The following RBFOX1 variants were observed in gnomAD, a reference collection of about 807,000 sequenced individuals.
RBFOX1 encodes RNA binding fox-1 homolog 1, also known as RNA binding protein fox-1 homolog 1.
Under a neutral mutation model 57.7 loss-of-function variants are expected in RBFOX1, and 8 were observed. The observed-to-expected ratio is 0.14, with a 90% CI of 0.08 to 0.25. The LOEUF (loss-of-function observed/expected upper bound fraction) is 0.25. RBFOX1 is among the 10% of genes least tolerant of loss of function. RBFOX1 has a pLI of 1.00. For missense variants in RBFOX1, 611 were observed against 548.5 expected (o/e 1.11, Z -1.14); for synonymous variants, 326 against 222.4 (o/e 1.47, Z -4.15).
intron 4 of RBFOX1, among the ~76,000 whole-genome samples, chr16:5,964,110 T>C (rs920966012): frequency 6.6e-6 from 1 of 152,152 alleles, no homozygotes; most frequent in Non-Finnish European, 1.5e-5. Context: ...AATAGATATT[T>C]TTCCAAAGAA....
intron 13 of RBFOX1, among the ~76,000 whole-genome samples, chr16:7,669,822 C>T (rs1046519699): frequency 6.6e-6 from 1 of 152,082 alleles, no homozygotes; most frequent in Admixed American, 6.6e-5. Flanking sequence ...TTCCTGAGAC[C>T]TTGCTTTCAG....
intron 3 of RBFOX1, among the ~76,000 whole-genome samples, chr16:5,725,582 C>A: frequency 6.6e-6 from 1 of 151,424 alleles, no homozygotes; most frequent in East Asian, 2.0e-4. Context: ...AGATATGTTT[C>A]TATCACCAAG....
chr16:5,313,121 T>C (rs549660183), intron 1 of RBFOX1, among the ~76,000 whole-genome samples: 1 of 152,296 alleles, frequency 6.6e-6, no homozygotes, highest in South Asian at 2.1e-4. Context: ...GCAAGGTGGA[T>C]ACCGTTGCCC....
intron 3 of RBFOX1, among the ~76,000 whole-genome samples, chr16:5,612,995 C>G (rs994303134): frequency 6.6e-6 from 1 of 152,154 alleles, no homozygotes; most frequent in Non-Finnish European, 1.5e-5. Context: ...GTAGAATGGA[C>G]TCCATTTTAC....
chr16:7,226,929 G>C (rs1306536115), intron 4 of RBFOX1, among the ~76,000 whole-genome samples: 1 of 152,152 alleles, frequency 6.6e-6, no homozygotes, highest in East Asian at 1.9e-4. Flanking sequence ...CTATATGTAT[G>C]GATGTATTTA....
chr16:7,276,319 G>A (rs766502970), intron 4 of RBFOX1, among the ~76,000 whole-genome samples: 5 of 152,136 alleles, frequency 3.3e-5, no homozygotes, highest in Non-Finnish European at 5.9e-5. Flanking sequence ...ATAAGTTTGA[G>A]TGATGTCAGT....
chr16:6,511,155 G>A (rs970679170), intron 2 of RBFOX1, among the ~76,000 whole-genome samples: 1 of 152,140 alleles, frequency 6.6e-6, no homozygotes, highest in African/African-American at 2.4e-5. Context: ...TGTTACGCTG[G>A]GTTGGTGGAA....
intron 3 of RBFOX1, among the ~76,000 whole-genome samples, chr16:6,689,031 CTA>C (rs2059849445): frequency 6.6e-6 from 1 of 152,082 alleles, no homozygotes; most frequent in Non-Finnish European, 1.5e-5. Flanking sequence ...TTTATCCAGT[CTA>C]TTATTGATGG....
chr16:7,547,538 A>C (rs1429030747), intron 5 of RBFOX1, among the ~76,000 whole-genome samples: 1 of 152,250 alleles, frequency 6.6e-6, no homozygotes, highest in Non-Finnish European at 1.5e-5. Flanking sequence ...ACTTTATTGA[A>C]GAAAAAACAA....
intron 4 of RBFOX1, among the ~76,000 whole-genome samples, chr16:7,300,690 G>GA (rs1250652020): frequency 1.3e-4 from 19 of 151,796 alleles, no homozygotes; most frequent in South Asian, 1.2e-3. Flanking sequence ...AATGAGAAAA[G>GA]AAAAAAATGG....
At chr16:6,812,923 T>A (rs8055945) in intron 3 of RBFOX1, among the ~76,000 whole-genome samples, 53,283 of 151,902 alleles carry the variant, frequency 0.35, 10,291 homozygotes, top group Non-Finnish European at 0.44. Flanking sequence ...AGGTCATTGC[T>A]GTCTTTCTTT....
chr16:7,350,523 A>G (rs140215539), intron 4 of RBFOX1, among the ~76,000 whole-genome samples: 4 of 152,298 alleles, frequency 2.6e-5, no homozygotes, highest in African/African-American at 9.6e-5. Context: ...GAACACTATG[A>G]TCTGATTGTA....
chr16:6,163,062 A>G (rs971630081), intron 1 of RBFOX1, among the ~76,000 whole-genome samples: 1 of 152,130 alleles, frequency 6.6e-6, no homozygotes, highest in Non-Finnish European at 1.5e-5. Flanking sequence ...AACAGCAATA[A>G]CTCCAGACAA....
At chr16:7,202,295 A>C (rs2152728650) in intron 4 of RBFOX1, among the ~76,000 whole-genome samples, 1 of 90,648 alleles carries the variant, frequency 1.1e-5, no homozygotes. Context: ...GGATGGCTGC[A>C]AATAAAAAAA....
At chr16:6,243,062 G>A (rs1263586399) in intron 1 of RBFOX1, among the ~76,000 whole-genome samples, 2 of 152,020 alleles carry the variant, frequency 1.3e-5, no homozygotes, top group African/African-American at 2.4e-5. Flanking sequence ...GAGAGTGAAG[G>A]TAAATATTCC....
chr16:7,636,437 C>A (rs992642667), intron 11 of RBFOX1, among the ~76,000 whole-genome samples: 4 of 152,222 alleles, frequency 2.6e-5, no homozygotes, highest in Non-Finnish European at 4.4e-5. Flanking sequence ...TATCAGTTCA[C>A]ACGTGAGTGA....
chr16:5,953,752 G>A (rs924954852), intron 4 of RBFOX1, among the ~76,000 whole-genome samples: 1 of 150,352 alleles, frequency 6.7e-6, no homozygotes, highest in African/African-American at 2.4e-5. Context: ...TCATCCACTT[G>A]ATTGATGGAC....
intron 3 of RBFOX1, among the ~76,000 whole-genome samples, chr16:6,946,520 C>G (rs1027483013): frequency 1.3e-5 from 2 of 152,200 alleles, no homozygotes; most frequent in African/African-American, 4.8e-5. Context: ...TCTCCCATCC[C>G]TACTGTGTTT....
At chr16:7,167,171 A>G (rs2079738056) in intron 4 of RBFOX1, among the ~76,000 whole-genome samples, 1 of 150,970 alleles carries the variant, frequency 6.6e-6, no homozygotes. Flanking sequence ...TTTTTAGTAG[A>G]GAAGGGATTT....
Sources: allele counts gnomAD v4.1 joint callset (sites outside exome capture counted in the v4.1 genomes callset), GRCh38; gene constraint gnomAD v4.1.1; transcripts MANE v1.5; gene names NCBI Gene and HGNC (gene_info 2026-07-23, HGNC 2026-07-21).